NECAP1: variants seen among roughly 807,000 people sequenced by gnomAD.
NECAP1 encodes the protein NECAP endocytosis associated 1.
A neutral mutation model predicts 33.4 loss-of-function variants in NECAP1; 13 were observed. The ratio of observed to expected loss-of-function variants is 0.39; its 90% CI spans 0.25 to 0.62. The LOEUF is 0.62. Ranked by LOEUF, NECAP1 falls within the 20% of genes least tolerant of loss-of-function variation. The pLI, the probability that NECAP1 is intolerant of heterozygous loss-of-function variation, is 0.52. For synonymous variants in NECAP1, 109 were observed against 125.2 expected (o/e 0.87, Z 0.86); for missense variants, 272 against 347.4 (o/e 0.78, Z 1.73).
Position 8,092,659 on chromosome 12 carries a change from T to C in NECAP1, c.384-17T>C, listed in dbSNP as rs1947560633. On this transcript the variant is annotated splice_polypyrimidine_tract_variant and intron_variant, in intron 4 of 7. Transcript: ENST00000339754. ...TCAGGAAATCTCAAACTAAGATAAC[T>C]TGCTGTGTTCCCAAAGGTGGGTAAA... The C allele has an allele frequency of 6.3e-7, 1 of 1,583,150 alleles. No individual in the cohort carries two copies. Among genetic ancestry groups the C allele is most frequent in the South Asian group, 1.1e-5 (1 of 89,062 alleles).
chr12:8,097,625 T>G lies in NECAP1; in HGVS notation c.*1535T>G, dbSNP rs1177540373. 6.6e-6 allele frequency: 1 copy of G among 152,660 alleles called. No homozygotes were observed. Among genetic ancestry groups the G allele is most frequent in the Non-Finnish European group, 1.5e-5 (1 of 68,038 alleles). The allele number at this position is 152,660 out of a possible 1,614,324, so 9.5% of individuals were successfully genotyped here. On this transcript the variant is annotated 3_prime_UTR_variant, in exon 8 of 8. Transcript: ENST00000339754. ...ATACTGGGAACCTATTTTCTCAATC[T>G]TCCTCCATGTTGTGTTCTTTGTATT...
At chr12:8,093,978 T>G (rs1387526187) in intron 6 of NECAP1, among the ~76,000 whole-genome samples, 1 of 152,182 alleles carries the variant, frequency 6.6e-6, no homozygotes, top group African/African-American at 2.4e-5. Flanking sequence ...ATAAATATGG[T>G]TATATCTTCT....
chr12:8,085,061 C>T (rs1386360347), intron 1 of NECAP1, among the ~76,000 whole-genome samples: 2 of 151,912 alleles, frequency 1.3e-5, no homozygotes, highest in African/African-American at 4.8e-5. Context: ...GCTGTGTTGC[C>T]CAGGCTGGAG....
rs1305888324 is a variant in NECAP1 at position 8,097,731 on chromosome 12, G to T, written c.*1641G>T. ...GATATATGTATATAAAGTGTATGCT[G>T]TATTGGTGCAATAATGGTAATTAAA... On this transcript the variant is annotated 3_prime_UTR_variant, in exon 8 of 8. Transcript: ENST00000339754. 1.3e-5 allele frequency: 2 copies of T among 152,584 alleles called. No homozygotes were observed. The highest frequency in any genetic ancestry group is 4.1e-4 in the South Asian group (2 of 4,836). 9.5% of individuals were successfully genotyped at this position (152,584 alleles called of 1,614,324 possible). A position where few individuals can be genotyped will look rare whatever the true frequency, so the allele number is the denominator to read the frequency against.
In NECAP1 at chr12:8,092,657, AC is replaced by A. The variant is rs780595478; in HGVS notation, c.384-18del. On this transcript the variant is annotated intron_variant, in intron 4 of 7. Transcript: ENST00000339754. The stretch of plus-strand genomic sequence containing the variant: ...TTTCAGGAAATCTCAAACTAAGATA[AC>A]TTGCTGTGTTCCCAAAGGTGGGTAA... The A allele has an allele frequency of 4.4e-6, 7 of 1,579,298 alleles. No homozygotes were observed. In the South Asian group the frequency reaches 7.9e-5, roughly 18 times the overall value.
intron 1 of NECAP1, chr12:8,082,757 T>TTC (rs144432288): frequency 0.15 from 20,069 of 134,380 alleles, 1,953 homozygotes; most frequent in East Asian, 0.27. Context: ...TCCTCATCCT[T>TTC]TCTCTCTCTC....
Position 8,090,318 on chromosome 12 carries a change from T to G in NECAP1, c.301+19T>G. On this transcript the variant is annotated intron_variant, in intron 3 of 7. Coordinates refer to ENST00000339754, the MANE Select transcript of NECAP1 (RefSeq NM_015509.4). ...GGTACTGGTAAGAGAACTGGGATTT[T>G]GAGTGGAACGAAGTTAGGAAAACAG... is the stretch of plus-strand genomic sequence containing the variant. 8 of 1,605,838 alleles carry G rather than the reference T, an allele frequency of 5.0e-6. No individual in the cohort carries two copies. The highest frequency in any genetic ancestry group is 6.8e-6 in the Non-Finnish European group (8 of 1,172,516).
intron 6 of NECAP1, chr12:8,095,342 G>A (rs1474426910): frequency 1.9e-5 from 5 of 268,364 alleles, no homozygotes; most frequent in East Asian, 1.0e-4. Context: ...TCCGCTTCCC[G>A]GGTTCACGCC....
In NECAP1 at chr12:8,097,439, C is replaced by T. The variant is rs779475547; in HGVS notation, c.*1349C>T. On this transcript the variant is annotated 3_prime_UTR_variant, in exon 8 of 8. Transcript: ENST00000339754. ...TTATGTTTAGTTTCAAAATATATTA[C>T]TTTCCTGGATTCTCTTCTTCACTTT... The T allele has an allele frequency of 2.6e-5, 4 of 152,640 alleles. No individual in the cohort carries two copies. The highest frequency in any genetic ancestry group is 6.5e-5 in the Admixed American group (1 of 15,274). 9.5% of individuals were successfully genotyped at this position (152,640 alleles called of 1,614,324 possible). A position where few individuals can be genotyped will look rare whatever the true frequency, so the allele number is the denominator to read the frequency against.
At chr12:8,083,421 C>CTTTTTTTTTTTTTTTTTTTTTT (rs71042328) in intron 1 of NECAP1, among the ~76,000 whole-genome samples, 1 of 65,840 alleles carries the variant, frequency 1.5e-5, no homozygotes, top group African/African-American at 6.3e-5. Context: ...TTTGTTTGTT[C>CTTTTTTTTTTTTTTTTTTTTTT]TTTTTTTTTT....
intron 4 of NECAP1, 66 bp from the exon 5 acceptor site, chr12:8,092,610 A>G: frequency 1.6e-6 from 2 of 1,237,828 alleles, no homozygotes; most frequent in Non-Finnish European, 2.3e-6. Flanking sequence ...AAATACACCC[A>G]AATTTGTATG....
chr12:8,088,531 CT>C lies in NECAP1; in HGVS notation c.96-1401del, dbSNP rs1168645186. ...ATAGCCACTTCTGCTACCATTGTGA[CT>C]TTTCTAGATTACTGCAGTAGTCTCT... On this transcript the variant is annotated intron_variant, in intron 1 of 7. Coordinates refer to ENST00000339754, the MANE Select transcript of NECAP1 (RefSeq NM_015509.4). Among the ~76,000 whole-genome samples the C allele has an allele frequency of 2.0e-5, 3 of 152,204 alleles. No individual in the cohort carries two copies. In the East Asian group the frequency reaches 5.8e-4, roughly 29 times the overall value.
rs1249590330 is a variant in NECAP1, at chr12:8,097,429, A to G, written c.*1339A>G. On this transcript the variant is annotated 3_prime_UTR_variant, in exon 8 of 8. Coordinates refer to ENST00000339754, the MANE Select transcript of NECAP1 (RefSeq NM_015509.4). ...AAGGGAGTCCTTATGTTTAGTTTCA[A>G]AATATATTACTTTCCTGGATTCTCT... 6.6e-6 allele frequency: 1 copy of G among 152,592 alleles called. No homozygotes were observed. Among genetic ancestry groups the G allele is most frequent in the Non-Finnish European group, 1.5e-5 (1 of 68,036 alleles). The allele number at this position is 152,592 out of a possible 1,614,324, so 9.5% of individuals were successfully genotyped here.
intron 1 of NECAP1, chr12:8,082,708 C>G: frequency 3.3e-6 from 1 of 303,940 alleles, no homozygotes; most frequent in Non-Finnish European, 6.4e-6. Context: ...ATTGCCAGTC[C>G]CCTTTCATTC....
intron 1 of NECAP1, among the ~76,000 whole-genome samples, chr12:8,084,179 A>G (rs1005118241): frequency 1.3e-5 from 2 of 152,040 alleles, no homozygotes; most frequent in South Asian, 2.1e-4. Context: ...TTTATTCATC[A>G]TGAATCAATA....
At position 8,089,981 on chromosome 12, in the gene NECAP1, C is replaced by T; in HGVS notation, c.141C>T (p.Leu47=). ...KLDQPDWTGR[L]RITSKGKTAY... Reference sequence around the variant, plus strand: ...ACCAGCCTGATTGGACTGGTCGCCTCCGAATCACTTCAAAAGGGAAGACTG... The same window carrying T: ...ACCAGCCTGATTGGACTGGTCGCCTTCGAATCACTTCAAAAGGGAAGACTG... The change falls in exon 2 of 8, where the codon CTC becomes CTT. Residue 47 remains leucine, a synonymous_variant. Transcript: ENST00000339754. The T allele has an allele frequency of 6.2e-7, 1 of 1,614,146 alleles. No homozygotes were observed. Among genetic ancestry groups the T allele is most frequent in the Non-Finnish European group, 8.5e-7 (1 of 1,180,032 alleles).
At chr12:8,094,399 G>A (rs1325551999) in intron 6 of NECAP1, among the ~76,000 whole-genome samples, 2 of 152,102 alleles carry the variant, frequency 1.3e-5, no homozygotes, top group Non-Finnish European at 2.9e-5. Flanking sequence ...ATCTTACTCA[G>A]CTTACACCAT....
At chr12:8,082,774 T>TCTCTCTCA (rs1400408491) in intron 1 of NECAP1, 20 of 141,712 alleles carry the variant, frequency 1.4e-4, no homozygotes, top group South Asian at 8.3e-4. Context: ...TCTCTCTCTC[T>TCTCTCTCA]CACACACACA....
At chr12:8,085,673 C>G (rs1453122262) in intron 1 of NECAP1, among the ~76,000 whole-genome samples, 1 of 148,308 alleles carries the variant, frequency 6.7e-6, no homozygotes, top group Non-Finnish European at 1.5e-5. Flanking sequence ...GTAGGATCCT[C>G]TCACTTAATC....
Sources: gnomAD v4.1 joint callset for allele counts (sites outside exome capture counted in the v4.1 genomes callset) on GRCh38, gnomAD v4.1.1 for gene constraint, MANE v1.5 for transcripts, NCBI Gene and HGNC (gene_info 2026-07-23, HGNC 2026-07-21) for gene names.